Variants in MAF observed in about 807,000 individuals in gnomAD.
The protein encoded by MAF is MAF bZIP transcription factor.
In MAF, 10 loss-of-function variants were observed where a neutral mutation model predicts 22.0. The ratio of observed to expected loss-of-function variants is 0.45; its 90% CI spans 0.28 to 0.77. MAF has a LOEUF of 0.77. Ranked by LOEUF, MAF falls within the 30% of genes least tolerant of loss-of-function variation. MAF has a pLI of 0.12. For synonymous variants in MAF, 337 were observed against 255.8 expected, an observed-to-expected ratio of 1.32 and a Z score of -3.03; for missense variants, 544 against 548.4, an observed-to-expected ratio of 0.99 and a Z score of 0.08.
the MAF span, among the ~76,000 whole-genome samples, chr16:79,315,841 T>C: frequency 6.6e-6 from 1 of 152,328 alleles, no homozygotes; most frequent in Non-Finnish European, 1.5e-5. Context: ...TAGGGAGACC[T>C]TCAAAAATTA....
chr16:79,490,701 T>C, the MAF span, among the ~76,000 whole-genome samples: 2 of 152,226 alleles, frequency 1.3e-5, no homozygotes, highest in Non-Finnish European at 2.9e-5. Context: ...AAGTGGTACA[T>C]AGTACTTTCA....
Position 79,600,070 on chromosome 16 carries a change from A to ACG in MAF, c.-169_-168insCG, listed in dbSNP as rs1235669001. The ACG allele has an allele frequency of 1.3e-6, 1 of 786,198 alleles. No individual in the cohort carries two copies. Among genetic ancestry groups the ACG allele is most frequent in the Non-Finnish European group, 2.0e-6 (1 of 510,146 alleles). The allele number at this position is 786,198 out of a possible 1,614,324, so 48.7% of individuals were successfully genotyped here. ...GAAACCTCCGAGCGCGCTCACACAC[A>ACG]CACCCCCCCGCCCTGCCCGCGCCCC... On this transcript the variant is annotated 5_prime_UTR_variant, in exon 1 of 2. Transcript: ENST00000326043.
chr16:79,577,744 T>G, the MAF span, among the ~76,000 whole-genome samples: 118 of 152,352 alleles, frequency 7.7e-4, 1 homozygote, highest in African/African-American at 2.8e-3. Context: ...TCCACTGTTG[T>G]AGAGTTAGAG....
chr16:79,250,748 G>C, the MAF span, among the ~76,000 whole-genome samples: 1 of 152,182 alleles, frequency 6.6e-6, no homozygotes, highest in African/African-American at 2.4e-5. Flanking sequence ...ATTCGTTTGA[G>C]AAATCCGTTA....
At chr16:79,390,877 T>A in the MAF span, among the ~76,000 whole-genome samples, 1 of 152,226 alleles carries the variant, frequency 6.6e-6, no homozygotes, top group Non-Finnish European at 1.5e-5. Flanking sequence ...ACCTGGGCGT[T>A]GGACCATGCT....
At chr16:79,530,949 G>A in the MAF span, among the ~76,000 whole-genome samples, 8 of 152,302 alleles carry the variant, frequency 5.3e-5, no homozygotes, top group South Asian at 1.7e-3. Context: ...CCCTGGGTGG[G>A]GAGAGGCCCA....
chr16:79,328,002 C>T, the MAF span, among the ~76,000 whole-genome samples: 1 of 152,326 alleles, frequency 6.6e-6, no homozygotes, highest in Admixed American at 6.5e-5. Context: ...TCCTGAAATT[C>T]CCTTGAGCCT....
the MAF span, among the ~76,000 whole-genome samples, chr16:79,224,411 T>G: frequency 6.6e-6 from 1 of 152,206 alleles, no homozygotes; most frequent in African/African-American, 2.4e-5. Context: ...TCATACTGAA[T>G]GGGCAAAAAC....
At chr16:79,578,848 C>T in the MAF span, among the ~76,000 whole-genome samples, 3 of 152,106 alleles carry the variant, frequency 2.0e-5, no homozygotes, top group African/African-American at 7.2e-5. Context: ...AGCTTTAGGG[C>T]CCTCTGAGTA....
the MAF span, among the ~76,000 whole-genome samples, chr16:79,560,661 T>A: frequency 7.3e-3 from 1,118 of 152,238 alleles, 16 homozygotes; most frequent in African/African-American, 0.026. Flanking sequence ...AAAATCCTCC[T>A]GAGGAATTTT....
chr16:79,326,750 G>T, the MAF span, among the ~76,000 whole-genome samples: 1 of 152,216 alleles, frequency 6.6e-6, no homozygotes, highest in Non-Finnish European at 1.5e-5. Flanking sequence ...TACAAAAGTG[G>T]ATGAAGGCTG....
the MAF span, among the ~76,000 whole-genome samples, chr16:79,285,991 G>A: frequency 6.2e-3 from 940 of 152,288 alleles, 9 homozygotes; most frequent in African/African-American, 0.022. Context: ...ACGACAGTGT[G>A]TGTTTAAACC....
chr16:79,237,748 G>C, the MAF span, among the ~76,000 whole-genome samples: 1 of 152,154 alleles, frequency 6.6e-6, no homozygotes, highest in Non-Finnish European at 1.5e-5. Context: ...TTTGCAGGGT[G>C]CTTACTGTCA....
the MAF span, among the ~76,000 whole-genome samples, chr16:79,378,215 C>A: frequency 6.6e-6 from 1 of 152,060 alleles, no homozygotes; most frequent in Non-Finnish European, 1.5e-5. Flanking sequence ...AGTACGGCAA[C>A]TGAAACAGCC....
chr16:79,373,326 G>C, the MAF span, among the ~76,000 whole-genome samples: 2 of 125,848 alleles, frequency 1.6e-5, no homozygotes, highest in African/African-American at 5.8e-5. Flanking sequence ...TCATCTATGG[G>C]TTAATCAGTT....
At chr16:79,242,378 A>G in the MAF span, among the ~76,000 whole-genome samples, 2 of 147,254 alleles carry the variant, frequency 1.4e-5, no homozygotes, top group African/African-American at 5.0e-5. Context: ...AAAAAAAAAG[A>G]AAAAAAAAAG....
At chr16:79,547,904 G>GAGAGAGAGAGAC in the MAF span, among the ~76,000 whole-genome samples, 62,545 of 133,554 alleles carry the variant, frequency 0.47, 14,682 homozygotes, top group Middle Eastern at 0.55. Flanking sequence ...GTGTGTGTGA[G>GAGAGAGAGAGAC]AGAGAGAGAG....
the MAF span, among the ~76,000 whole-genome samples, chr16:79,510,686 G>A: frequency 1.3e-5 from 2 of 152,214 alleles, no homozygotes; most frequent in South Asian, 4.1e-4. Context: ...CCTGTGACCT[G>A]TGCCCTCAAA....
At chr16:79,417,073 G>A in the MAF span, among the ~76,000 whole-genome samples, 1 of 152,190 alleles carries the variant, frequency 6.6e-6, no homozygotes, top group African/African-American at 2.4e-5. Flanking sequence ...CAGACGGAAA[G>A]GGTATTTTTT....
Sources: gnomAD v4.1 joint callset for allele counts (sites outside exome capture counted in the v4.1 genomes callset) on GRCh38, gnomAD v4.1.1 for gene constraint, MANE v1.5 for transcripts, NCBI Gene and HGNC (gene_info 2026-07-23, HGNC 2026-07-21) for gene names.